SSH2: variants seen among roughly 807,000 people sequenced by gnomAD.
The protein encoded by SSH2 is slingshot protein phosphatase 2.
Under a neutral mutation model 135.2 loss-of-function variants are expected in SSH2, and 37 were observed. The ratio of observed to expected loss-of-function variants is 0.27; its 90% CI spans 0.21 to 0.36. The LOEUF (loss-of-function observed/expected upper bound fraction) is 0.36, where lower values mean the gene tolerates loss of function less well. SSH2 is among the 10% of genes least tolerant of loss of function. SSH2 has a pLI of 1.00. For missense variants in SSH2, 1,408 were observed against 1,765.3 expected (o/e 0.80, Z 3.63); for synonymous variants, 628 against 646.2 (o/e 0.97, Z 0.43).
chr17:29,689,754 C>T (rs1040428339), intron 5 of SSH2, among the ~76,000 whole-genome samples: 2 of 152,064 alleles, frequency 1.3e-5, no homozygotes, highest in South Asian at 2.1e-4. Context: ...GCTATTCCCT[C>T]GGCATCCAAT....
In SSH2 at chr17:29,766,457, C is replaced by CA. The variant is rs199601705; in HGVS notation, c.188+27436dup. On this transcript the variant is annotated intron_variant, in intron 3 of 15. Coordinates refer to ENST00000540801, the MANE Select transcript of SSH2 (RefSeq NM_001282129.2). Reference sequence around the variant, plus strand: ...GGGGCAACAGAGTGAGACGCTGTCTCAAAAAAAAAAATAATAATAATAAAG... The same window carrying CA: ...GGGGCAACAGAGTGAGACGCTGTCTCAAAAAAAAAAAATAATAATAATAAAG... Among the ~76,000 whole-genome samples, 1,126 of 140,550 alleles carry CA rather than the reference C, an allele frequency of 8.0e-3. 15 individuals are homozygous for CA. Among genetic ancestry groups the CA allele is most frequent in the East Asian group, 0.026 (131 of 4,970 alleles). 92.2% of individuals were successfully genotyped at this position (140,550 alleles called of 152,430 possible). A position where few individuals can be genotyped will look rare whatever the true frequency, so the allele number is the denominator to read the frequency against.
At chr17:29,778,641 AAAAAATAAATAAATAAAT>A (rs1354984882) in intron 3 of SSH2, among the ~76,000 whole-genome samples, 3 of 141,702 alleles carry the variant, frequency 2.1e-5, no homozygotes, top group Non-Finnish European at 4.6e-5. Flanking sequence ...ATTCTGTCTA[AAAAAATAAATAAATAAAT>A]AAAAATAAAT....
intron 2 of SSH2, among the ~76,000 whole-genome samples, chr17:29,842,147 T>C (rs1014364918): frequency 7.5e-6 from 1 of 133,938 alleles, no homozygotes. Flanking sequence ...GAGGAGACCC[T>C]GTTATTAATT....
intron 14 of SSH2, among the ~76,000 whole-genome samples, chr17:29,638,940 A>C (rs1033676237): frequency 2.0e-5 from 3 of 152,204 alleles, no homozygotes; most frequent in Non-Finnish European, 4.4e-5. Flanking sequence ...TACAAGTAAC[A>C]CAAAGGGAAT....
At chr17:29,710,092 GC>G (rs1469624288) in intron 3 of SSH2, among the ~76,000 whole-genome samples, 2 of 152,166 alleles carry the variant, frequency 1.3e-5, no homozygotes, top group African/African-American at 4.8e-5. Context: ...GAGGAATGTG[GC>G]CAGGGTGATC....
intron 3 of SSH2, among the ~76,000 whole-genome samples, chr17:29,751,564 C>T (rs2088545438): frequency 6.6e-6 from 1 of 151,924 alleles, no homozygotes; most frequent in South Asian, 2.1e-4. Context: ...TATTTTTATA[C>T]AACAATGCAG....
chr17:29,731,710 C>T (rs374888668), intron 3 of SSH2, among the ~76,000 whole-genome samples: 67 of 152,196 alleles, frequency 4.4e-4, no homozygotes, highest in Non-Finnish European at 7.5e-4. Flanking sequence ...TCCACCTGGG[C>T]CTCCCAAAGT....
At chr17:29,851,972 C>T (rs1448018655) in intron 1 of SSH2, among the ~76,000 whole-genome samples, 2 of 151,994 alleles carry the variant, frequency 1.3e-5, no homozygotes, top group Admixed American at 6.6e-5. Context: ...TTCAGATGTC[C>T]ACACTAGCTC....
chr17:29,764,454 C>T (rs2041399848), intron 3 of SSH2, among the ~76,000 whole-genome samples: 2 of 152,216 alleles, frequency 1.3e-5, no homozygotes, highest in Non-Finnish European at 2.9e-5. Flanking sequence ...AAACAAGCCT[C>T]TAGGGAGCAA....
intron 3 of SSH2, among the ~76,000 whole-genome samples, chr17:29,782,195 C>T (rs537688650): frequency 5.3e-5 from 8 of 152,184 alleles, no homozygotes; most frequent in African/African-American, 1.9e-4. Context: ...AATAATGCCC[C>T]GTTGTTTCAT....
At chr17:29,867,794 G>C (rs1217846986) in intron 1 of SSH2, among the ~76,000 whole-genome samples, 1 of 152,148 alleles carries the variant, frequency 6.6e-6, no homozygotes, top group Non-Finnish European at 1.5e-5. Context: ...CGCAAGTAAA[G>C]AGCTCTATTC....
At chr17:29,902,938 C>T (rs549652377) in intron 1 of SSH2, among the ~76,000 whole-genome samples, 8 of 152,010 alleles carry the variant, frequency 5.3e-5, no homozygotes, top group Non-Finnish European at 1.0e-4. Flanking sequence ...GTAATATGAA[C>T]ACTTTGGGAA....
At chr17:29,819,056 G>A (rs189491458) in intron 2 of SSH2, among the ~76,000 whole-genome samples, 14 of 152,026 alleles carry the variant, frequency 9.2e-5, no homozygotes, top group Admixed American at 6.5e-4. Context: ...GAGACACCCC[G>A]TCTCTACTAA....
intron 1 of SSH2, among the ~76,000 whole-genome samples, chr17:29,907,584 C>A (rs2066679119): frequency 6.6e-6 from 1 of 152,198 alleles, no homozygotes; most frequent in Non-Finnish European, 1.5e-5. Flanking sequence ...TTCGAATATA[C>A]AAGCTCTGTT....
chr17:29,680,551 CAAAAAAAA>C (rs1160865828), intron 6 of SSH2, among the ~76,000 whole-genome samples: 911 of 21,492 alleles, frequency 0.042, 18 homozygotes, highest in African/African-American at 0.15. Flanking sequence ...GACTCCCTCT[CAAAAAAAA>C]AAAAAAAAAA....
chr17:29,700,545 C>G (rs1482355679), intron 4 of SSH2, among the ~76,000 whole-genome samples: 1 of 152,158 alleles, frequency 6.6e-6, no homozygotes, highest in East Asian at 1.9e-4. Flanking sequence ...TATACTCATT[C>G]CTATGTGAAC....
chr17:29,701,050 A>G (rs1052573557), intron 4 of SSH2, among the ~76,000 whole-genome samples: 3 of 151,920 alleles, frequency 2.0e-5, no homozygotes, highest in African/African-American at 7.2e-5. Context: ...AGCTCACTGC[A>G]AGCTCCGCCT....
intron 1 of SSH2, among the ~76,000 whole-genome samples, chr17:29,897,156 G>T (rs541145331): frequency 6.6e-6 from 1 of 151,818 alleles, no homozygotes. Context: ...AGGAACAACC[G>T]GTACCAGCCA....
chr17:29,828,348 G>T (rs2042782041), intron 2 of SSH2, among the ~76,000 whole-genome samples: 1 of 152,122 alleles, frequency 6.6e-6, no homozygotes, highest in Admixed American at 6.5e-5. Flanking sequence ...TCTCAGCAGG[G>T]TCTGAATCTA....
Sources: allele counts gnomAD v4.1 joint callset (sites outside exome capture counted in the v4.1 genomes callset), GRCh38; gene constraint gnomAD v4.1.1; transcripts MANE v1.5; gene names NCBI Gene and HGNC (gene_info 2026-07-23, HGNC 2026-07-21).